The following IMPACT variants were observed in gnomAD, a reference collection of about 807,000 sequenced individuals.
IMPACT encodes the protein impact RWD domain protein, also known as protein IMPACT.
Under a neutral mutation model 47.5 loss-of-function variants are expected in IMPACT, and 35 were observed. The observed-to-expected ratio is 0.74, with a 90% CI of 0.56 to 0.98. The LOEUF is 0.98. Among genes scored for constraint, IMPACT ranks in the 50% least tolerant of loss-of-function variants. The pLI, the probability that IMPACT is intolerant of heterozygous loss-of-function variation, is 0.00. For missense variants in IMPACT, 373 were observed against 394.8 expected, an observed-to-expected ratio of 0.94 and a Z score of 0.47; for synonymous variants, 118 against 125.6, an observed-to-expected ratio of 0.94 and a Z score of 0.40.
At chr18:24,440,430 A>ATT in intron 5 of IMPACT, 66 bp from the exon 6 acceptor site, 4 of 1,533,282 alleles carry the variant, frequency 2.6e-6, no homozygotes, top group Non-Finnish European at 3.6e-6. Flanking sequence ...AGACCCAGTG[A>ATT]TTTTTTTTTA....
intron 4 of IMPACT, among the ~76,000 whole-genome samples, chr18:24,434,797 G>C (rs28588063): frequency 1.0e-5 from 1 of 95,284 alleles, no homozygotes; most frequent in Non-Finnish European, 2.1e-5. Flanking sequence ...ATATATATAT[G>C]TGTGTGTGTG....
chr18:24,442,224 G>T (rs1239298410), intron 6 of IMPACT, among the ~76,000 whole-genome samples: 1 of 150,530 alleles, frequency 6.6e-6, no homozygotes, highest in Non-Finnish European at 1.5e-5. Flanking sequence ...CACAAACTCG[G>T]CTCACTGCAA....
At chr18:24,444,393 G>A (rs1031724525) in intron 7 of IMPACT, among the ~76,000 whole-genome samples, 1 of 152,148 alleles carries the variant, frequency 6.6e-6, no homozygotes, top group Non-Finnish European at 1.5e-5. Flanking sequence ...ATCCAAATTG[G>A]TGTCCCCAAC....
chr18:24,450,728 T>C, intron 10 of IMPACT, 51 bp from the exon 11 acceptor site: 1 of 1,180,308 alleles, frequency 8.5e-7, no homozygotes, highest in Non-Finnish European at 1.3e-6. Context: ...GATTGAAGAT[T>C]TCATCTTTAT....
At chr18:24,450,681 G>A in intron 10 of IMPACT, 98 bp from the exon 11 acceptor site, 1 of 712,402 alleles carries the variant, frequency 1.4e-6, no homozygotes, top group Non-Finnish European at 2.4e-6. Flanking sequence ...ATGAATATAT[G>A]TGGAATATAT....
Position 24,427,958 on chromosome 18 carries a change from G to C in IMPACT, c.76G>C (p.Glu26Gln), listed in dbSNP as rs1437657856. Residue 26 changes from glutamate to glutamine, a missense_variant, in exon 2 of 11, where the codon GAG (glutamate) becomes CAG (glutamine). Physicochemically the swap from Glu to Gln is conservative, Grantham distance 29 (BLOSUM62 2). Coordinates refer to ENST00000284202, the MANE Select transcript of IMPACT (RefSeq NM_018439.4). Reference sequence around the variant, plus strand: ...AGCAATGGCAGCCATTTATGGCGAGGAGTGGTGTGTCATTGATGACTGTGC... The same window carrying C: ...AGCAATGGCAGCCATTTATGGCGAGCAGTGGTGTGTCATTGATGACTGTGC... ...IEAMAAIYGE[E>Q]WCVIDDCAKI... The C allele has an allele frequency of 6.9e-6, 11 of 1,602,796 alleles. No homozygotes were observed. The highest frequency in any genetic ancestry group is 1.7e-4 in the Middle Eastern group (1 of 6,020).
At position 24,450,840 on chromosome 18, in the gene IMPACT, A is replaced by G. The variant is rs1292878092; in HGVS notation, c.956A>G (p.Glu319Gly). 6.3e-7 allele frequency: 1 copy of G among 1,585,062 alleles called. No individual in the cohort carries two copies. Among genetic ancestry groups the G allele is most frequent in the South Asian group, 1.1e-5 (1 of 90,062 alleles). Residue 319 changes from glutamate (E) to glycine (G), a missense_variant, in exon 11 of 11, where the codon GAA becomes GGA. Coordinates refer to ENST00000284202, the MANE Select transcript of IMPACT (RefSeq NM_018439.4). ...GTAAGAAAAGACAAGAAGAGGAATG[A>G]ACATTAATACCTGAAACTATAGGAA... is the stretch of plus-strand genomic sequence containing the variant. ...KKVRKDKKRN[E>G]H
At chr18:24,429,881 C>T (rs1013997865) in intron 3 of IMPACT, among the ~76,000 whole-genome samples, 9 of 152,028 alleles carry the variant, frequency 5.9e-5, no homozygotes, top group Admixed American at 5.2e-4. Context: ...GGGTTCACAC[C>T]ATTTTCCTGC....
At chr18:24,429,065 C>T (rs1421634924) in intron 3 of IMPACT, 144 bp downstream of exon 3, 1 of 515,600 alleles carries the variant, frequency 1.9e-6, no homozygotes, top group Non-Finnish European at 3.4e-6. Context: ...TGGTATAGAG[C>T]ATTTAAATAA....
Position 24,449,950 on chromosome 18 carries a change from A to G in IMPACT, c.891A>G (p.Ser297=), listed in dbSNP as rs780004838. The change falls in exon 10 of 11, where the codon TCA becomes TCG. Residue 297 remains serine, a synonymous_variant. Transcript: ENST00000284202. ...TAGTGGAAAAGAACTACACAAATTC[A>G]CCTGTAAGTGGCTCTTCGTACTACA... The part of the protein sequence containing the change: ...NILVEKNYTN[S]PEESSKALGK... 6.2e-7 allele frequency: 1 copy of G among 1,613,928 alleles called. No homozygotes were observed. The highest frequency in any genetic ancestry group is 8.5e-7 in the Non-Finnish European group (1 of 1,179,862).
At chr18:24,439,033 A>G (rs1020297564) in intron 5 of IMPACT, among the ~76,000 whole-genome samples, 1 of 152,132 alleles carries the variant, frequency 6.6e-6, no homozygotes, top group African/African-American at 2.4e-5. Context: ...GGAAGAATGA[A>G]TGTTGCGGTT....
chr18:24,446,697 A>C (rs1170344198), intron 8 of IMPACT, among the ~76,000 whole-genome samples: 3 of 152,180 alleles, frequency 2.0e-5, no homozygotes, highest in African/African-American at 7.2e-5. Context: ...TAAGTGCCAA[A>C]ACTTACAAAC....
chr18:24,452,453 T>A lies in IMPACT; in HGVS notation c.*1606T>A, dbSNP rs529887348. On this transcript the variant is annotated 3_prime_UTR_variant, in exon 11 of 11. Transcript: ENST00000284202. ...GAAGTTAAAAACTATTAACATTAAATAATTTCACAATTTCAACATGTCAAA... is the reference window on the plus strand; with the variant it reads ...GAAGTTAAAAACTATTAACATTAAAAAATTTCACAATTTCAACATGTCAAA... 1 of 152,222 alleles carries A rather than the reference T, an allele frequency of 6.6e-6. No individual in the cohort carries two copies. The highest frequency in any genetic ancestry group is 2.1e-4 in the South Asian group (1 of 4,828). The allele number at this position is 152,222 out of a possible 1,614,324, so 9.4% of individuals were successfully genotyped here.
chr18:24,426,902 C>A, intron 1 of IMPACT, 110 bp downstream of exon 1: 3 of 715,314 alleles, frequency 4.2e-6, no homozygotes, highest in Non-Finnish European at 5.8e-6. Flanking sequence ...CGGGTTCCGC[C>A]AGCACTGGCC....
chr18:24,437,128 A>G (rs1908968583), intron 4 of IMPACT, among the ~76,000 whole-genome samples: 1 of 152,130 alleles, frequency 6.6e-6, no homozygotes, highest in Admixed American at 6.5e-5. Context: ...AAAGAGAGAT[A>G]ATGGTTTCAA....
chr18:24,435,896 T>C (rs1381954250), intron 4 of IMPACT, among the ~76,000 whole-genome samples: 1 of 152,162 alleles, frequency 6.6e-6, no homozygotes, highest in African/African-American at 2.4e-5. Flanking sequence ...TGATGCTGTG[T>C]TTCAAAGGGA....
rs2144353459 is a variant in IMPACT, at chr18:24,452,156, T to C, written c.*1309T>C. On this transcript the variant is annotated 3_prime_UTR_variant, in exon 11 of 11. Coordinates refer to ENST00000284202, the MANE Select transcript of IMPACT (RefSeq NM_018439.4). ...ACAGAGAATTGGACAAACAGGTCTT[T>C]TTCTCTTTTCTCTGATGTTTTACCT... 6.6e-6 allele frequency: 1 copy of C among 152,332 alleles called. No individual in the cohort carries two copies. Among genetic ancestry groups the C allele is most frequent in the Admixed American group, 6.5e-5 (1 of 15,302 alleles). 9.4% of individuals were successfully genotyped at this position (152,332 alleles called of 1,614,324 possible).
chr18:24,428,959 A>T, intron 3 of IMPACT, 38 bp downstream of exon 3: 1 of 1,418,266 alleles, frequency 7.1e-7, no homozygotes, highest in Non-Finnish European at 9.9e-7. Flanking sequence ...CTATAAAAAG[A>T]TTCTATTCTG....
chr18:24,441,319 C>T (rs978284181), intron 6 of IMPACT, among the ~76,000 whole-genome samples: 6 of 152,188 alleles, frequency 3.9e-5, no homozygotes, highest in Middle Eastern at 6.8e-3. Flanking sequence ...CAGCCTCCTA[C>T]GTATCTGGGA....
Sources: gnomAD v4.1 joint callset for allele counts (sites outside exome capture counted in the v4.1 genomes callset) on GRCh38, gnomAD v4.1.1 for gene constraint, MANE v1.5 for transcripts, NCBI Gene and HGNC (gene_info 2026-07-23, HGNC 2026-07-21) for gene names.